Variants in FIRRM observed in about 807,000 individuals in gnomAD.
FIRRM encodes the protein FIGNL1 interacting regulator of recombination and mitosis.
chr1:169,807,924 G>A, the FIRRM span: 5 of 1,601,232 alleles, frequency 3.1e-6, no homozygotes, highest in Non-Finnish European at 3.4e-6. Context: ...ACAGTCAGAT[G>A]CACAGGTAAA....
At chr1:169,830,691 T>C in the FIRRM span, 1 of 1,613,148 alleles carries the variant, frequency 6.2e-7, no homozygotes, top group East Asian at 2.2e-5. Flanking sequence ...TCTTTTATAT[T>C]GCAGATATGG....
the FIRRM span, among the ~76,000 whole-genome samples, chr1:169,801,969 T>C: frequency 3.3e-5 from 5 of 152,230 alleles, no homozygotes; most frequent in African/African-American, 1.2e-4. Context: ...ATGTTGAGTG[T>C]TAACAGGCCT....
At chr1:169,824,278 C>T in the FIRRM span, among the ~76,000 whole-genome samples, 1 of 152,218 alleles carries the variant, frequency 6.6e-6, no homozygotes, top group African/African-American at 2.4e-5. Context: ...GCCCCTAAGA[C>T]TAGCCTCTCC....
the FIRRM span, among the ~76,000 whole-genome samples, chr1:169,819,706 G>A: frequency 1.3e-5 from 2 of 151,928 alleles, no homozygotes; most frequent in South Asian, 4.2e-4. Context: ...CCTATTACCC[G>A]ACTTTAGCCA....
chr1:169,796,091 A>G, the FIRRM span: 6 of 464,266 alleles, frequency 1.3e-5, no homozygotes, highest in Non-Finnish European at 1.7e-5. Context: ...TCAATACTGC[A>G]CAAATATTGT....
chr1:169,795,257 G>A, the FIRRM span: 3 of 1,525,552 alleles, frequency 2.0e-6, no homozygotes, highest in Non-Finnish European at 1.8e-6. Context: ...AAGGGTGTGG[G>A]CGGGTCGCGA....
chr1:169,837,068 A>C, the FIRRM span: 1 of 1,607,390 alleles, frequency 6.2e-7, no homozygotes, highest in Non-Finnish European at 8.5e-7. Context: ...AGAATGCAGG[A>C]AATGGCTGAG....
chr1:169,812,291 C>T, the FIRRM span, among the ~76,000 whole-genome samples: 4 of 152,144 alleles, frequency 2.6e-5, no homozygotes, highest in Admixed American at 6.5e-5. Context: ...TTCCAGAGTA[C>T]TTATTCTGTG....
the FIRRM span, among the ~76,000 whole-genome samples, chr1:169,814,701 A>T: frequency 6.6e-6 from 1 of 152,258 alleles, no homozygotes; most frequent in Non-Finnish European, 1.5e-5. Flanking sequence ...GCCATTTCAG[A>T]TAGATGATTC....
At chr1:169,810,834 ATTTTTTTTTTTTTTTTTTTTTTTTTTT>A in the FIRRM span, among the ~76,000 whole-genome samples, 3 of 61,194 alleles carry the variant, frequency 4.9e-5, 1 homozygote, top group African/African-American at 2.1e-4. Flanking sequence ...TTAGCCCCCA[ATTTTTTTTTTTTTTTTTTTTTTTTTTT>A]TTTTTTTTTG....
chr1:169,844,710 TTC>T, the FIRRM span, among the ~76,000 whole-genome samples: 6 of 152,104 alleles, frequency 3.9e-5, no homozygotes, highest in South Asian at 2.1e-4. Context: ...AACAATTTGA[TTC>T]TGATTCTGAA....
At chr1:169,844,749 A>C in the FIRRM span, among the ~76,000 whole-genome samples, 1 of 152,214 alleles carries the variant, frequency 6.6e-6, no homozygotes, top group South Asian at 2.1e-4. Context: ...GAAAAAATAC[A>C]ATAATTTTGA....
the FIRRM span, chr1:169,849,600 C>T: frequency 6.2e-7 from 1 of 1,609,406 alleles, no homozygotes; most frequent in Non-Finnish European, 8.5e-7. Flanking sequence ...ACTCAGTTCG[C>T]TGAGGTAATT....
At chr1:169,836,429 A>G in the FIRRM span, among the ~76,000 whole-genome samples, 1 of 152,178 alleles carries the variant, frequency 6.6e-6, no homozygotes, top group Non-Finnish European at 1.5e-5. Context: ...AAACTGATTT[A>G]GTATGTTGTC....
chr1:169,792,901 A>C, the FIRRM span: 2 of 1,614,028 alleles, frequency 1.2e-6, no homozygotes, highest in African/African-American at 2.7e-5. Context: ...CACCAGAAAA[A>C]AATCGGCATT....
chr1:169,786,282 C>T, the FIRRM span, among the ~76,000 whole-genome samples: 1 of 152,144 alleles, frequency 6.6e-6, no homozygotes, highest in South Asian at 2.1e-4. Context: ...TAAGAAAATG[C>T]ATCTCTGAGG....
At chr1:169,798,320 TGCAATGGC>T in the FIRRM span, among the ~76,000 whole-genome samples, 54 of 149,958 alleles carry the variant, frequency 3.6e-4, no homozygotes, top group African/African-American at 1.2e-3. Flanking sequence ...TATGCTGGAG[TGCAATGGC>T]GCGATCTTGG....
chr1:169,788,927 A>G, the FIRRM span, among the ~76,000 whole-genome samples: 1 of 152,320 alleles, frequency 6.6e-6, no homozygotes, highest in African/African-American at 2.4e-5. Context: ...AACTCCTTTT[A>G]AGGGCTATCT....
At chr1:169,828,468 T>G in the FIRRM span, among the ~76,000 whole-genome samples, 1 of 152,162 alleles carries the variant, frequency 6.6e-6, no homozygotes, top group Admixed American at 6.5e-5. Flanking sequence ...CACATATTCC[T>G]TGCTTCTGTC....
Sources: gnomAD v4.1 joint callset for allele counts (sites outside exome capture counted in the v4.1 genomes callset) on GRCh38, gnomAD v4.1.1 for gene constraint, MANE v1.5 for transcripts, NCBI Gene and HGNC (gene_info 2026-07-23, HGNC 2026-07-21) for gene names.